Variants in HEATR4 observed in about 807,000 individuals in gnomAD.
The protein encoded by HEATR4 is HEAT repeat-containing protein 4.
HEATR4 carries 95 observed loss-of-function variants against 108.8 expected under a neutral mutation model. The observed-to-expected ratio is 0.87, with a 90% confidence interval of 0.74 to 1.04. HEATR4 has a LOEUF of 1.04. Ranked by LOEUF, HEATR4 falls within the 50% of genes least tolerant of loss-of-function variation. The probability of loss-of-function intolerance (pLI) is 0.00; values close to 1 mark genes in which losing one functional copy is unlikely to be tolerated. For synonymous variants in HEATR4, 443 were observed against 459.4 expected, an observed-to-expected ratio of 0.96 and a Z score of 0.46; for missense variants, 1,152 against 1,253.8, an observed-to-expected ratio of 0.92 and a Z score of 1.23.
the HEATR4 span, chr14:73,612,667 C>CAA: frequency 1.4e-6 from 2 of 1,412,672 alleles, no homozygotes; most frequent in South Asian, 1.5e-5. Context: ...AGCAGCCAGT[C>CAA]ACGCTGCGCA....
chr14:73,574,829 C>A, the HEATR4 span: 4 of 1,605,868 alleles, frequency 2.5e-6, no homozygotes, highest in East Asian at 6.7e-5. Context: ...GTTCAACTAA[C>A]TTCCAGGGTG....
In HEATR4 at chr14:73,522,771, A is replaced by G. The variant is rs1479204530; in HGVS notation, c.382T>C (p.Leu128=). 1.2e-6 allele frequency: 2 copies of G among 1,614,162 alleles called. No individual in the cohort carries two copies. The highest frequency in any genetic ancestry group is 2.7e-5 in the African/African-American group (2 of 75,038). ...SFKFLGSSSP[L]TGDTSLAVKT... ...ACAGCCAGGGAGGTGTCTCCTGTTA[A>G]GGGACTTGAGGAACCCAGGAACTTG... The change falls in exon 3 of 18, where the codon TTA becomes CTA. Residue 128 remains leucine (L), a synonymous_variant. Transcript: ENST00000553558.
chr14:73,621,765 T>C, the HEATR4 span, among the ~76,000 whole-genome samples: 1,885 of 140,410 alleles, frequency 0.013, 6 homozygotes, highest in Middle Eastern at 0.031. Context: ...TTCTTTCTTT[T>C]TTTTTTTTTT....
At chr14:73,617,308 C>T in the HEATR4 span, 1 of 1,420,600 alleles carries the variant, frequency 7.0e-7, no homozygotes, top group Non-Finnish European at 9.9e-7. Flanking sequence ...GATACCAAGT[C>T]TCCTTCAAAG....
the HEATR4 span, among the ~76,000 whole-genome samples, chr14:73,629,681 G>A: frequency 6.7e-6 from 1 of 150,116 alleles, no homozygotes; most frequent in South Asian, 2.1e-4. Flanking sequence ...GTCTCACTCT[G>A]TTGCCCAGGC....
chr14:73,577,856 ATTT>A, the HEATR4 span, among the ~76,000 whole-genome samples: 8 of 146,480 alleles, frequency 5.5e-5, no homozygotes, highest in African/African-American at 2.0e-4. Context: ...TATAAAAACA[ATTT>A]TTTTTTTTTG....
At chr14:73,527,308 A>G (rs932760587) in intron 2 of HEATR4, 9 of 152,136 alleles carry the variant, frequency 5.9e-5, no homozygotes, top group African/African-American at 1.9e-4. Flanking sequence ...AATGGACTAA[A>G]TAAGGCACCA....
chr14:73,485,102 T>C (rs1415747788), intron 17 of HEATR4, among the ~76,000 whole-genome samples: 3 of 151,828 alleles, frequency 2.0e-5, no homozygotes, highest in African/African-American at 7.3e-5. Context: ...AGGTGGAGGA[T>C]GCAGTGAGCC....
chr14:73,606,106 C>T, the HEATR4 span, among the ~76,000 whole-genome samples: 1 of 152,142 alleles, frequency 6.6e-6, no homozygotes, highest in East Asian at 1.9e-4. Flanking sequence ...TTCCCACCAC[C>T]CACCAAGTTG....
chr14:73,502,904 T>C lies in HEATR4; in HGVS notation c.2096A>G (p.Asp699Gly). ...GTTGACTGGGTCTTACCTGATTATG[T>C]CGTGCACCTCTTTCCCGAGGCTCAT... ...GQMSLGKEVH[D>G]IIRVKLGQGN... Residue 699 changes from aspartate (D) to glycine (G), a missense_variant, in exon 11 of 18, where the codon GAC becomes GGC. Asp to Gly is a moderately conservative substitution (Grantham distance 94, BLOSUM62 -1). Coordinates refer to ENST00000553558, the MANE Select transcript of HEATR4 (RefSeq NM_001220484.1). The C allele has an allele frequency of 6.2e-7, 1 of 1,611,930 alleles. No homozygotes were observed. The highest frequency in any genetic ancestry group is 8.5e-7 in the Non-Finnish European group (1 of 1,178,152).
In HEATR4 at chr14:73,495,262, T is replaced by C. The variant is rs763007867; in HGVS notation, c.2751A>G (p.Leu917=). The C allele has an allele frequency of 1.9e-6, 3 of 1,613,958 alleles. No individual in the cohort carries two copies. Among genetic ancestry groups the C allele is most frequent in the Non-Finnish European group, 2.5e-6 (3 of 1,180,010 alleles). Reference sequence around the variant, plus strand: ...TTTCTTGGAGTAAAGTCTGGAGTGTTAGTGGTCCTTGTTCTCCTTTGGGTT... The same window carrying C: ...TTTCTTGGAGTAAAGTCTGGAGTGTCAGTGGTCCTTGTTCTCCTTTGGGTT... ...YLKPKGEQGP[L]TLQTLLQETF... The change falls in exon 16 of 18, where the codon CTA becomes CTG. Residue 917 remains leucine, a synonymous_variant. Coordinates refer to ENST00000553558, the MANE Select transcript of HEATR4 (RefSeq NM_001220484.1).
intron 17 of HEATR4, among the ~76,000 whole-genome samples, 189 bp from the exon 18 acceptor site, chr14:73,479,031 C>T (rs879734915): frequency 1.5e-4 from 23 of 152,146 alleles, no homozygotes; most frequent in Non-Finnish European, 2.5e-4. Context: ...CTCCGACTCC[C>T]GGGTTCAAGT....
chr14:73,573,284 G>T, the HEATR4 span: 13 of 1,523,270 alleles, frequency 8.5e-6, no homozygotes, highest in Non-Finnish European at 1.2e-5. Flanking sequence ...ATACCTAGGA[G>T]TGGGATTGCT....
At chr14:73,509,855 TATATATATATA>T (rs1887115927) in intron 7 of HEATR4, among the ~76,000 whole-genome samples, 1 of 69,514 alleles carries the variant, frequency 1.4e-5, no homozygotes, top group South Asian at 3.7e-4. Context: ...TATATATATA[TATATATATATA>T]TATTTATTTA....
At chr14:73,545,748 A>G in intron 1 of HEATR4, among the ~76,000 whole-genome samples, 1 of 104,604 alleles carries the variant, frequency 9.6e-6, no homozygotes, top group East Asian at 8.4e-4. Context: ...TTGTTTTAGT[A>G]GATGCTAGAT....
intron 17 of HEATR4, 121 bp from the exon 18 acceptor site, chr14:73,478,963 G>C (rs1008768517): frequency 2.9e-6 from 2 of 684,992 alleles, no homozygotes; most frequent in East Asian, 2.6e-5. Context: ...TTTTGAGACG[G>C]AGTCCCACTC....
chr14:73,588,158 C>T, the HEATR4 span, among the ~76,000 whole-genome samples: 8 of 152,178 alleles, frequency 5.3e-5, no homozygotes, highest in East Asian at 9.7e-4. Context: ...CGTACCACCA[C>T]GCCAGCTAAT....
the HEATR4 span, among the ~76,000 whole-genome samples, chr14:73,625,767 TTGTG>T: frequency 3.3e-5 from 5 of 152,282 alleles, no homozygotes; most frequent in East Asian, 1.9e-4. Flanking sequence ...TTAATAAATG[TTGTG>T]TGTGTTCTGA....
chr14:73,616,421 G>A, the HEATR4 span, among the ~76,000 whole-genome samples: 13 of 152,102 alleles, frequency 8.5e-5, no homozygotes, highest in East Asian at 1.2e-3. Flanking sequence ...GGCCGGTTGC[G>A]GTGGCTCACA....
Sources: allele counts gnomAD v4.1 joint callset (sites outside exome capture counted in the v4.1 genomes callset), GRCh38; gene constraint gnomAD v4.1.1; transcripts MANE v1.5; gene names NCBI Gene and HGNC (gene_info 2026-07-23, HGNC 2026-07-21).